KCNIP4: variants seen among roughly 807,000 people sequenced by gnomAD.
KCNIP4 encodes Kv channel-interacting protein 4.
In KCNIP4, 12 loss-of-function variants were observed where a neutral mutation model predicts 34.0. The observed-to-expected ratio is 0.35, with a 90% CI of 0.23 to 0.57. The LOEUF (loss-of-function observed/expected upper bound fraction) is 0.57, where lower values mean the gene tolerates loss of function less well. KCNIP4 is among the 20% of genes least tolerant of loss of function. The probability of loss-of-function intolerance (pLI) is 0.83; values close to 1 mark genes in which losing one functional copy is unlikely to be tolerated. For missense variants in KCNIP4, 238 were observed against 311.7 expected, an observed-to-expected ratio of 0.76 and a Z score of 1.78; for synonymous variants, 124 against 102.2, an observed-to-expected ratio of 1.21 and a Z score of -1.29.
chr4:21,330,575 C>A (rs1413639223), intron 1 of KCNIP4, among the ~76,000 whole-genome samples: 1 of 152,068 alleles, frequency 6.6e-6, no homozygotes, highest in African/African-American at 2.4e-5. Context: ...TGTATTAATT[C>A]TGTCAATGAG....
chr4:20,870,949 G>A (rs1013804458), intron 2 of KCNIP4, among the ~76,000 whole-genome samples: 4 of 152,190 alleles, frequency 2.6e-5, no homozygotes, highest in African/African-American at 9.6e-5. Context: ...GGCCTCCTGA[G>A]ACATTCACAC....
chr4:21,596,357 T>TTA (rs1032300119), intron 1 of KCNIP4, among the ~76,000 whole-genome samples: 2 of 152,126 alleles, frequency 1.3e-5, no homozygotes, highest in African/African-American at 4.8e-5. Context: ...ATAAACACAT[T>TTA]TATATATATG....
intron 1 of KCNIP4, among the ~76,000 whole-genome samples, chr4:21,563,599 T>C (rs358839): frequency 0.26 from 39,419 of 152,060 alleles, 5,354 homozygotes; most frequent in East Asian, 0.4. Context: ...AATGAGCTAC[T>C]ACTCAATATA....
intron 1 of KCNIP4, among the ~76,000 whole-genome samples, chr4:21,224,526 C>T (rs978801513): frequency 6.6e-6 from 1 of 151,100 alleles, no homozygotes; most frequent in African/African-American, 2.5e-5. Context: ...CCATAACAGT[C>T]CCCTTCACTC....
Position 21,310,202 on chromosome 4 carries a change from T to A in KCNIP4, c.62-427493A>T, listed in dbSNP as rs181526086. Reference sequence around the variant, plus strand: ...CGTGCATCACCACAACCAGCTAATTTTTGTATTTTTAGTAGAGATGGAGTT... The same window carrying A: ...CGTGCATCACCACAACCAGCTAATTATTGTATTTTTAGTAGAGATGGAGTT... On this transcript the variant is annotated intron_variant, in intron 1 of 8. Coordinates refer to ENST00000382152, the MANE Select transcript of KCNIP4 (RefSeq NM_025221.6). Among the ~76,000 whole-genome samples the A allele has an allele frequency of 1.7e-4, 26 of 151,972 alleles. No homozygotes were observed. The East Asian group carries it at 3.3e-3, about 19-fold the overall frequency.
chr4:20,945,913 G>T (rs186018965), intron 1 of KCNIP4, among the ~76,000 whole-genome samples: 29 of 152,176 alleles, frequency 1.9e-4, no homozygotes, highest in African/African-American at 5.1e-4. Flanking sequence ...CATGGCAGTC[G>T]CTCAAATCAA....
intron 1 of KCNIP4, among the ~76,000 whole-genome samples, chr4:21,036,751 C>T (rs573354375): frequency 6.6e-6 from 1 of 152,288 alleles, no homozygotes; most frequent in African/African-American, 2.4e-5. Context: ...AACAAACCTG[C>T]TATATGTCTT....
intron 1 of KCNIP4, among the ~76,000 whole-genome samples, chr4:21,047,156 G>A (rs1016123608): frequency 2.0e-5 from 3 of 152,208 alleles, no homozygotes; most frequent in Admixed American, 1.3e-4. Flanking sequence ...TATACCATGT[G>A]TGGCAATTTA....
chr4:21,494,671 T>G (rs28621776), intron 1 of KCNIP4, among the ~76,000 whole-genome samples: 5,694 of 150,812 alleles, frequency 0.038, 323 homozygotes, highest in African/African-American at 0.12. Flanking sequence ...TACTCAGGAG[T>G]CTGAGGCAAG....
chr4:21,818,080 A>T (rs1722099588), intron 1 of KCNIP4, among the ~76,000 whole-genome samples: 1 of 152,092 alleles, frequency 6.6e-6, no homozygotes, highest in African/African-American at 2.4e-5. Context: ...CTTAATAAAA[A>T]CCTGCTGGTT....
At chr4:21,482,292 G>A (rs1441193283) in intron 1 of KCNIP4, among the ~76,000 whole-genome samples, 1 of 152,036 alleles carries the variant, frequency 6.6e-6, no homozygotes, top group Non-Finnish European at 1.5e-5. Context: ...CTTTTAATTG[G>A]AGCATTTAGC....
intron 1 of KCNIP4, among the ~76,000 whole-genome samples, chr4:21,418,104 C>T (rs1725130502): frequency 6.6e-6 from 1 of 152,132 alleles, no homozygotes; most frequent in Non-Finnish European, 1.5e-5. Flanking sequence ...TAACTTAAGT[C>T]TGAAACTGTG....
intron 1 of KCNIP4, among the ~76,000 whole-genome samples, chr4:21,094,081 C>CAA (rs57083761): frequency 6.7e-4 from 97 of 145,556 alleles, no homozygotes; most frequent in Non-Finnish European, 1.2e-3. Context: ...GACTCCGTCT[C>CAA]AAAAAAAAAA....
At position 21,643,913 on chromosome 4, in the gene KCNIP4, T is replaced by TAGATAGATAGAC. The variant is rs1246507943; in HGVS notation, c.61+304657_61+304658insGTCTATCTATCT. 8.5e-5 allele frequency among the ~76,000 whole-genome samples: 12 copies of TAGATAGATAGAC among 141,052 alleles called. No individual in the cohort carries two copies. The East Asian group carries it at 3.0e-3, about 35-fold the overall frequency. The allele number at this position is 141,052 out of a possible 152,430, so 92.5% of individuals were successfully genotyped here. A position where few individuals can be genotyped will look rare whatever the true frequency, so the allele number is the denominator to read the frequency against. On this transcript the variant is annotated intron_variant, in intron 1 of 8. Transcript: ENST00000382152. ...ATAGATAGATAGATAGATAGATAGA[T>TAGATAGATAGAC]AGACTGGCAGAAAGATAGATAGATA...
intron 1 of KCNIP4, among the ~76,000 whole-genome samples, chr4:20,954,757 T>C (rs2149647717): frequency 6.6e-6 from 1 of 152,316 alleles, no homozygotes; most frequent in East Asian, 1.9e-4. Context: ...ATTTTGTGAG[T>C]TTGGCAGCCA....
intron 1 of KCNIP4, among the ~76,000 whole-genome samples, chr4:21,676,944 T>C (rs961216963): frequency 4.0e-5 from 6 of 151,268 alleles, no homozygotes; most frequent in Non-Finnish European, 7.4e-5. Flanking sequence ...ATAACTGAGA[T>C]TGTCTTTTTC....
At chr4:20,883,055 A>G (rs1361297025) in intron 1 of KCNIP4, among the ~76,000 whole-genome samples, 1 of 146,818 alleles carries the variant, frequency 6.8e-6, no homozygotes, top group African/African-American at 2.5e-5. Context: ...TAAAACAAGT[A>G]TCACTAGAAG....
chr4:21,428,672 C>T (rs961715834), intron 1 of KCNIP4, among the ~76,000 whole-genome samples: 4 of 152,088 alleles, frequency 2.6e-5, no homozygotes, highest in Admixed American at 2.6e-4. Flanking sequence ...GCTGACTAGC[C>T]ACAAGGAAAG....
chr4:21,431,553 C>A lies in KCNIP4; in HGVS notation c.61+517018G>T, dbSNP rs59610073. Among the ~76,000 whole-genome samples, 399 of 152,088 alleles carry A rather than the reference C, an allele frequency of 2.6e-3. 1 individual carries two copies. Among genetic ancestry groups the A allele is most frequent in the African/African-American group, 9.4e-3 (392 of 41,508 alleles). ...AGACATTTATAAATGTAGAACTGGT[C>A]TCCAAAGGCAATTTGGTCATAGATT... On this transcript the variant is annotated intron_variant, in intron 1 of 8. Coordinates refer to ENST00000382152, the MANE Select transcript of KCNIP4 (RefSeq NM_025221.6).
Sources: gnomAD v4.1 joint callset for allele counts (sites outside exome capture counted in the v4.1 genomes callset) on GRCh38, gnomAD v4.1.1 for gene constraint, MANE v1.5 for transcripts, NCBI Gene and HGNC (gene_info 2026-07-23, HGNC 2026-07-21) for gene names.